The following ZBTB7C variants were observed in gnomAD, a reference collection of about 807,000 sequenced individuals.
The protein encoded by ZBTB7C is zinc finger and BTB domain containing 7C.
Under a neutral mutation model 25.7 loss-of-function variants are expected in ZBTB7C, and 8 were observed. The observed-to-expected ratio is 0.31, with a 90% CI of 0.18 to 0.56. The LOEUF is 0.56. ZBTB7C is among the 20% of genes least tolerant of loss of function. The pLI is 0.91. For missense variants in ZBTB7C, 824 were observed against 855.2 expected (o/e 0.96, Z 0.46); for synonymous variants, 394 against 369.0 (o/e 1.07, Z -0.78).
chr18:48,291,771 GGTGGGAAGTGAACACAGCAGTTA>G (rs1019478228), intron 2 of ZBTB7C, among the ~76,000 whole-genome samples: 13 of 152,176 alleles, frequency 8.5e-5, no homozygotes, highest in Non-Finnish European at 1.9e-4. Context: ...GCAGGGGTTG[GGTGGGAAGTGAACACAGCAGTTA>G]GGGGGATTGG....
intron 2 of ZBTB7C, among the ~76,000 whole-genome samples, chr18:48,337,304 G>A (rs956139612): frequency 8.5e-5 from 13 of 152,266 alleles, no homozygotes; most frequent in Admixed American, 6.5e-5. Flanking sequence ...CTCCACCCCA[G>A]CCTACCATTT....
chr18:48,160,185 G>A (rs185902267), intron 3 of ZBTB7C, among the ~76,000 whole-genome samples: 10 of 152,288 alleles, frequency 6.6e-5, no homozygotes, highest in Admixed American at 2.0e-4. Context: ...AACTACCCTA[G>A]AGAAACATTT....
chr18:48,040,030 G>A lies in ZBTB7C; in HGVS notation c.1078C>T (p.Pro360Ser). 1 of 1,614,136 alleles carries A rather than the reference G, an allele frequency of 6.2e-7. No individual in the cohort carries two copies. Among genetic ancestry groups the A allele is most frequent in the Non-Finnish European group, 8.5e-7 (1 of 1,180,030 alleles). ...WPLVEERKLKPKASQQCPICH... is the reference protein window; with the variant it reads ...WPLVEERKLKSKASQQCPICH... ...ATGGGGCACTGCTGAGAGGCCTTGG[G>A]CTTCAGCTTGCGCTCTTCTACCAGG... is the stretch of plus-strand genomic sequence containing the variant. Residue 360 changes from proline to serine, a missense_variant, in exon 4 of 5, where the codon CCC (proline) becomes TCC (serine). Transcript: ENST00000590800.
chr18:48,149,167 A>ACGCAC (rs2040592510), intron 3 of ZBTB7C: 1 of 150,150 alleles, frequency 6.7e-6, no homozygotes, highest in Non-Finnish European at 1.5e-5. Flanking sequence ...CGTGTGTGCG[A>ACGCAC]GTGTGTGCAT....
At chr18:48,103,255 G>C (rs1304379579) in intron 3 of ZBTB7C, among the ~76,000 whole-genome samples, 1 of 151,702 alleles carries the variant, frequency 6.6e-6, no homozygotes, top group Non-Finnish European at 1.5e-5. Context: ...TGAGACGTCA[G>C]GTTTGATCCC....
At chr18:48,187,884 G>C (rs2042099996) in intron 2 of ZBTB7C, among the ~76,000 whole-genome samples, 1 of 151,564 alleles carries the variant, frequency 6.6e-6, no homozygotes, top group Non-Finnish European at 1.5e-5. Context: ...TGGGCAGGGA[G>C]AGGAGAATGA....
At chr18:48,213,954 A>G (rs2042763020) in intron 2 of ZBTB7C, among the ~76,000 whole-genome samples, 1 of 152,210 alleles carries the variant, frequency 6.6e-6, no homozygotes, top group African/African-American at 2.4e-5. Context: ...TGGCAAATGC[A>G]GGGTGAGGTG....
chr18:48,091,904 T>A (rs185982107), intron 3 of ZBTB7C, among the ~76,000 whole-genome samples: 86 of 152,320 alleles, frequency 5.6e-4, no homozygotes, highest in African/African-American at 2.0e-3. Flanking sequence ...TATTCACACT[T>A]AGGCCAGTGC....
intron 3 of ZBTB7C, among the ~76,000 whole-genome samples, chr18:48,177,221 G>A (rs1266112853): frequency 1.3e-5 from 2 of 152,158 alleles, no homozygotes; most frequent in Non-Finnish European, 2.9e-5. Context: ...CAGCAAAGTG[G>A]TCCCCTCGCC....
rs572232455 is a variant in ZBTB7C at position 48,029,090 on chromosome 18, C to G, written c.*170G>C. On this transcript the variant is annotated 3_prime_UTR_variant, in exon 5 of 5. Transcript: ENST00000590800. Reference sequence around the variant, plus strand: ...CCCGTCTCAGACCAGCAAAAGGAGGCAGCTGCTTTAGGAGCCCGGGAAAAT... The same window carrying G: ...CCCGTCTCAGACCAGCAAAAGGAGGGAGCTGCTTTAGGAGCCCGGGAAAAT... The G allele has an allele frequency of 1.0e-5, 10 of 994,124 alleles. No individual in the cohort carries two copies. In the East Asian group the frequency reaches 2.9e-4, roughly 29 times the overall value. 61.6% of individuals were successfully genotyped at this position (994,124 alleles called of 1,614,324 possible). A position where few individuals can be genotyped will look rare whatever the true frequency, so the allele number is the denominator to read the frequency against.
intron 2 of ZBTB7C, among the ~76,000 whole-genome samples, chr18:48,221,904 C>A (rs572238519): frequency 2.1e-5 from 3 of 146,048 alleles, no homozygotes; most frequent in Non-Finnish European, 3.0e-5. Flanking sequence ...GTCCTAGTCT[C>A]CCTCTATACT....
chr18:48,146,606 A>T (rs2040505059), intron 3 of ZBTB7C, among the ~76,000 whole-genome samples: 1 of 152,218 alleles, frequency 6.6e-6, no homozygotes, highest in South Asian at 2.1e-4. Context: ...CCTACTTCAC[A>T]CTCTAAACGA....
chr18:48,266,015 A>G (rs566470626), intron 2 of ZBTB7C, among the ~76,000 whole-genome samples: 1 of 152,308 alleles, frequency 6.6e-6, no homozygotes, highest in East Asian at 1.9e-4. Context: ...GGAAATGCAC[A>G]CTAAATAATA....
intron 2 of ZBTB7C, among the ~76,000 whole-genome samples, chr18:48,291,882 T>C (rs943417420): frequency 3.3e-5 from 5 of 152,212 alleles, no homozygotes; most frequent in African/African-American, 1.2e-4. Context: ...GAGACTCCAA[T>C]AGGGGACTCA....
intron 2 of ZBTB7C, among the ~76,000 whole-genome samples, chr18:48,255,823 C>T (rs946645614): frequency 2.0e-5 from 3 of 152,128 alleles, no homozygotes; most frequent in African/African-American, 7.2e-5. Context: ...GTAATTTTGT[C>T]TTTTTCAGAT....
intron 1 of ZBTB7C, among the ~76,000 whole-genome samples, chr18:48,407,731 G>A (rs1475113804): frequency 1.3e-5 from 2 of 152,144 alleles, no homozygotes; most frequent in Non-Finnish European, 2.9e-5. Context: ...CTTCTATAAA[G>A]CAAAGGGCAT....
At chr18:48,116,215 G>T (rs2039434908) in intron 3 of ZBTB7C, among the ~76,000 whole-genome samples, 1 of 152,092 alleles carries the variant, frequency 6.6e-6, no homozygotes. Flanking sequence ...TGAAGGCGAG[G>T]CTCGAGCCCA....
intron 3 of ZBTB7C, among the ~76,000 whole-genome samples, chr18:48,053,302 T>C (rs539822402): frequency 1.2e-4 from 18 of 152,224 alleles, no homozygotes; most frequent in African/African-American, 3.6e-4. Flanking sequence ...AGGCCTTGCA[T>C]GCGCGGGTTG....
At chr18:48,292,217 G>C (rs958007370) in intron 2 of ZBTB7C, among the ~76,000 whole-genome samples, 1 of 151,994 alleles carries the variant, frequency 6.6e-6, no homozygotes, top group African/African-American at 2.4e-5. Context: ...AAATTGCTAC[G>C]ATCTGTTAAG....
Sources: gnomAD v4.1 joint callset for allele counts (sites outside exome capture counted in the v4.1 genomes callset) on GRCh38, gnomAD v4.1.1 for gene constraint, MANE v1.5 for transcripts, NCBI Gene and HGNC (gene_info 2026-07-23, HGNC 2026-07-21) for gene names.